CMTM8: variants seen among roughly 807,000 people sequenced by gnomAD.
The protein encoded by CMTM8 is CKLF like MARVEL transmembrane domain containing 8, also known as CKLF-like MARVEL transmembrane domain-containing protein 8.
CMTM8 carries 12 observed loss-of-function variants against 18.6 expected under a neutral mutation model. The observed-to-expected ratio is 0.65, with a 90% CI of 0.41 to 1.05. The LOEUF (loss-of-function observed/expected upper bound fraction) is 1.05. CMTM8 is among the 50% of genes least tolerant of loss of function. The pLI is 0.00. For synonymous variants in CMTM8, 87 were observed against 90.6 expected (o/e 0.96, Z 0.23); for missense variants, 217 against 227.2 (o/e 0.95, Z 0.29).
intron 1 of CMTM8, among the ~76,000 whole-genome samples, chr3:32,251,142 A>G (rs1374094386): frequency 1.3e-5 from 2 of 152,180 alleles, no homozygotes; most frequent in African/African-American, 4.8e-5. Flanking sequence ...GATATTTGGA[A>G]TAATAAAAAC....
chr3:32,299,491 T>A (rs1031844093), intron 1 of CMTM8, among the ~76,000 whole-genome samples: 2 of 152,134 alleles, frequency 1.3e-5, no homozygotes, highest in Admixed American at 6.5e-5. Context: ...ATTTTTTAAT[T>A]TTTGTGGCTA....
chr3:32,299,861 G>A (rs1383670423), intron 1 of CMTM8, among the ~76,000 whole-genome samples: 2 of 152,130 alleles, frequency 1.3e-5, no homozygotes, highest in Admixed American at 6.5e-5. Context: ...TTTGGGCTTT[G>A]TAGGCCAAAA....
chr3:32,367,726 C>T (rs1181101553), intron 2 of CMTM8, 146 bp from the exon 3 acceptor site: 3 of 590,178 alleles, frequency 5.1e-6, no homozygotes, highest in South Asian at 2.4e-5. Context: ...TTAGAGCTGC[C>T]TTCCCACAGC....
intron 1 of CMTM8, among the ~76,000 whole-genome samples, chr3:32,277,058 A>G (rs1423376245): frequency 1.3e-5 from 2 of 151,168 alleles, no homozygotes; most frequent in African/African-American, 2.4e-5. Flanking sequence ...CTAAGTTACT[A>G]TTTTTTTTGT....
chr3:32,319,072 A>ATATATATATATATATTAT (rs1695987071), intron 1 of CMTM8, among the ~76,000 whole-genome samples: 1 of 24,418 alleles, frequency 4.1e-5, no homozygotes, highest in Non-Finnish European at 7.4e-5. Context: ...ATATATATAT[A>ATATATATATATATATTAT]TATTTTTTTT....
chr3:32,351,188 A>C (rs918432310), intron 1 of CMTM8, among the ~76,000 whole-genome samples: 2 of 152,218 alleles, frequency 1.3e-5, no homozygotes, highest in African/African-American at 4.8e-5. Context: ...AACTGCCACA[A>C]TATATTGGAA....
chr3:32,248,539 G>C (rs1471871868), intron 1 of CMTM8, among the ~76,000 whole-genome samples: 3 of 151,236 alleles, frequency 2.0e-5, no homozygotes, highest in African/African-American at 7.3e-5. Flanking sequence ...TTTTTGTGTT[G>C]TTTTAGTAGA....
chr3:32,277,334 C>T (rs1020346367), intron 1 of CMTM8, among the ~76,000 whole-genome samples: 1 of 152,080 alleles, frequency 6.6e-6, no homozygotes, highest in Non-Finnish European at 1.5e-5. Flanking sequence ...CTGCTGCTGA[C>T]TTAGAGGTTT....
At chr3:32,350,708 A>G (rs1158353990) in intron 1 of CMTM8, among the ~76,000 whole-genome samples, 4 of 152,144 alleles carry the variant, frequency 2.6e-5, no homozygotes, top group Non-Finnish European at 2.9e-5. Context: ...TATTTTTAGT[A>G]GAGACGGGGT....
chr3:32,369,882 A>G lies in CMTM8; in HGVS notation c.439-2A>G. On this transcript the variant is annotated splice_acceptor_variant, in intron 3 of 3. Transcript: ENST00000307526. LOFTEE classifies it high-confidence loss of function. Reference sequence around the variant, plus strand: ...ACTTCTATTATGCTTTGTTTTCTCCAGTTCTTTGCCTTCCTGGTCACCATC... The same window carrying G: ...ACTTCTATTATGCTTTGTTTTCTCCGGTTCTTTGCCTTCCTGGTCACCATC... The G allele has an allele frequency of 6.2e-7, 1 of 1,605,016 alleles. No homozygotes were observed. Among genetic ancestry groups the G allele is most frequent in the Non-Finnish European group, 8.5e-7 (1 of 1,173,132 alleles).
At chr3:32,331,444 G>A (rs189214061) in intron 1 of CMTM8, among the ~76,000 whole-genome samples, 27 of 151,134 alleles carry the variant, frequency 1.8e-4, no homozygotes, top group African/African-American at 6.6e-4. Flanking sequence ...TGTACTATAT[G>A]ACCCAACAAT....
At chr3:32,297,714 C>A (rs1252369114) in intron 1 of CMTM8, among the ~76,000 whole-genome samples, 1 of 151,984 alleles carries the variant, frequency 6.6e-6, no homozygotes, top group African/African-American at 2.4e-5. Context: ...TTCTATTGCT[C>A]ACCAGCCTCA....
chr3:32,362,046 C>CTTTTTTTTCTT (rs1553608244), intron 2 of CMTM8, among the ~76,000 whole-genome samples: 3 of 92,066 alleles, frequency 3.3e-5, no homozygotes, highest in African/African-American at 1.2e-4. Flanking sequence ...ATTTTCTTTT[C>CTTTTTTTTCTT]TTTTTTTTTT....
chr3:32,356,738 G>GT (rs1198771595), intron 1 of CMTM8, among the ~76,000 whole-genome samples: 3 of 152,208 alleles, frequency 2.0e-5, no homozygotes, highest in Non-Finnish European at 2.9e-5. Context: ...TACACCTGCA[G>GT]TCTCATTTCC....
intron 2 of CMTM8, among the ~76,000 whole-genome samples, chr3:32,364,870 G>C (rs113277691): frequency 0.017 from 2,576 of 152,300 alleles, 74 homozygotes; most frequent in African/African-American, 0.059. Flanking sequence ...TCTGCCACTG[G>C]GTGGGCCCTG....
At position 32,286,084 on chromosome 3, in the gene CMTM8, G is replaced by A. The variant is rs181733373; in HGVS notation, c.147+46965G>A. ...AAGCAAACACTCAACTTCCGGAGGC[G>A]GCAGACTTTTTCCGTCAAGGGTCAG... is the stretch of plus-strand genomic sequence containing the variant. On this transcript the variant is annotated intron_variant, in intron 1 of 3. Coordinates refer to ENST00000307526, the MANE Select transcript of CMTM8 (RefSeq NM_178868.5). Among the ~76,000 whole-genome samples the A allele has an allele frequency of 4.7e-4, 72 of 152,292 alleles. 1 individual carries two copies. In the East Asian group the frequency reaches 0.011, roughly 23 times the overall value.
In CMTM8 at chr3:32,332,919, G is replaced by A. The variant is rs112018003; in HGVS notation, c.148-24454G>A. Among the ~76,000 whole-genome samples the A allele has an allele frequency of 8.6e-3, 1,315 of 152,194 alleles. 17 individuals carry two copies. Among genetic ancestry groups the A allele is most frequent in the African/African-American group, 0.03 (1,261 of 41,516 alleles). ...CTCTCCCCTTCTCCCATGGGCTACC[G>A]TTATTAATATGTGTTTGATGTATAT... On this transcript the variant is annotated intron_variant, in intron 1 of 3. Coordinates refer to ENST00000307526, the MANE Select transcript of CMTM8 (RefSeq NM_178868.5).
Position 32,238,797 on chromosome 3 carries a change from A to C in CMTM8, c.-176A>C, listed in dbSNP as rs920186442. On this transcript the variant is annotated 5_prime_UTR_variant, in exon 1 of 4. Transcript: ENST00000307526. The stretch of plus-strand genomic sequence containing the variant: ...CGAGGCGCTAGGGGCACCGCGCACT[A>C]GAGGGACACCCGCCGCGCCTGGACA... 39 of 369,462 alleles carry C rather than the reference A, an allele frequency of 1.1e-4. No homozygotes were observed. Among genetic ancestry groups the C allele is most frequent in the African/African-American group, 8.4e-4 (39 of 46,640 alleles). 22.9% of individuals were successfully genotyped at this position (369,462 alleles called of 1,614,324 possible).
rs1271013964 is a variant in CMTM8 at position 32,326,762 on chromosome 3, T to C, written c.148-30611T>C. Among the ~76,000 whole-genome samples, 4 of 152,140 alleles carry C rather than the reference T, an allele frequency of 2.6e-5. No homozygotes were observed. The East Asian group carries it at 7.7e-4, about 29-fold the overall frequency. Reference sequence around the variant, plus strand: ...AACTCCTGACCTCAAGTGATCCACCTACCTTGGCCTCCCAAAGTGCTAGGA... The same window carrying C: ...AACTCCTGACCTCAAGTGATCCACCCACCTTGGCCTCCCAAAGTGCTAGGA... On this transcript the variant is annotated intron_variant, in intron 1 of 3. Transcript: ENST00000307526.
Sources: gnomAD v4.1 joint callset for allele counts (sites outside exome capture counted in the v4.1 genomes callset) on GRCh38, gnomAD v4.1.1 for gene constraint, MANE v1.5 for transcripts, NCBI Gene and HGNC (gene_info 2026-07-23, HGNC 2026-07-21) for gene names.